Variants in GBF1 observed in about 807,000 individuals in gnomAD.
The protein encoded by GBF1 is Golgi-specific brefeldin A-resistance guanine nucleotide exchange factor 1.
A neutral mutation model predicts 210.5 loss-of-function variants in GBF1; 114 were observed. The observed-to-expected ratio is 0.54, with a 90% CI of 0.47 to 0.63. The LOEUF is 0.63. GBF1 is among the 30% of genes least tolerant of loss of function. The probability of loss-of-function intolerance (pLI) is 0.00; values close to 1 mark genes in which losing one functional copy is unlikely to be tolerated. For missense variants in GBF1, 1,851 were observed against 2,357.7 expected (o/e 0.79, Z 4.45); for synonymous variants, 850 against 889.2 (o/e 0.96, Z 0.78).
chr10:102,299,719 G>A (rs979527278), intron 3 of GBF1, among the ~76,000 whole-genome samples: 11 of 151,982 alleles, frequency 7.2e-5, no homozygotes, highest in Non-Finnish European at 1.6e-4. Flanking sequence ...GAGGTGGAGG[G>A]GTTGTGGTGA....
Position 102,367,088 on chromosome 10 carries a change from T to G in GBF1, c.2437T>G (p.Cys813Gly). The G allele has an allele frequency of 6.2e-7, 1 of 1,614,142 alleles. No individual in the cohort carries two copies. Among genetic ancestry groups the G allele is most frequent in the Non-Finnish European group, 8.5e-7 (1 of 1,180,008 alleles). Residue 813 changes from cysteine to glycine, a missense_variant, in exon 20 of 40, where the codon TGT becomes GGT. By Grantham distance (159) the Cys-to-Gly change is radical (BLOSUM62 -3). Coordinates refer to ENST00000369983, the MANE Select transcript of GBF1 (RefSeq NM_001377137.1). ...GGCGGGATCTTTGCTTTTTCAGAATTGTAATGGCTCCCCATTTGCCAATAG... is the reference window on the plus strand; with the variant it reads ...GGCGGGATCTTTGCTTTTTCAGAATGGTAATGGCTCCCCATTTGCCAATAG... ...LEAFTERWMN[C>G]NGSPFANSDA...
intron 3 of GBF1, among the ~76,000 whole-genome samples, chr10:102,318,774 G>T (rs1160365126): frequency 6.6e-6 from 1 of 151,800 alleles, no homozygotes; most frequent in Non-Finnish European, 1.5e-5. Flanking sequence ...TTTTTAAATA[G>T]GATTTTTACA....
intron 1 of GBF1, among the ~76,000 whole-genome samples, chr10:102,249,926 G>A (rs1470912280): frequency 2.0e-5 from 3 of 152,100 alleles, no homozygotes; most frequent in African/African-American, 4.8e-5. Flanking sequence ...TCTTGACTTC[G>A]TGATCCGCCC....
chr10:102,302,502 AAACTT>A lies in GBF1; in HGVS notation c.164-41548_164-41544del, dbSNP rs1433972708. On this transcript the variant is annotated intron_variant, in intron 3 of 39. Transcript: ENST00000369983. The stretch of plus-strand genomic sequence containing the variant: ...ACCTTCCAATGGAAGGAATTAAACT[AAACTT>A]TTCAAAATGGGGCTACTGGCCCTTA... 7.2e-5 allele frequency among the ~76,000 whole-genome samples: 11 copies of A among 152,376 alleles called. No individual in the cohort carries two copies. The East Asian group carries it at 1.3e-3, about 19-fold the overall frequency.
intron 3 of GBF1, among the ~76,000 whole-genome samples, chr10:102,276,991 C>T (rs1455153753): frequency 6.6e-6 from 1 of 151,284 alleles, no homozygotes; most frequent in East Asian, 1.9e-4. Context: ...CACACACACA[C>T]ATGCACACAC....
chr10:102,253,303 C>T (rs1343797116), intron 1 of GBF1, among the ~76,000 whole-genome samples: 12 of 152,102 alleles, frequency 7.9e-5, no homozygotes, highest in Non-Finnish European at 1.2e-4. Context: ...GTATGTATGC[C>T]CTTCCCTGTT....
At position 102,360,271 on chromosome 10, in the gene GBF1, A is replaced by T; in HGVS notation, c.1268A>T (p.Asn423Ile). Reference sequence around the variant, plus strand: ...CTCACCAATCCACACGACCGCCATAACTCAGAGGTTATGATTCACATGGGA... The same window carrying T: ...CTCACCAATCCACACGACCGCCATATCTCAGAGGTTATGATTCACATGGGA... ...ISLTNPHDRH[N>I]SEVMIHMGLH... Residue 423 changes from asparagine to isoleucine, a missense_variant, in exon 12 of 40, where the codon AAC becomes ATC. Physicochemically the swap from Asn to Ile is moderately radical, Grantham distance 149. Coordinates refer to ENST00000369983, the MANE Select transcript of GBF1 (RefSeq NM_001377137.1). 2 of 1,613,608 alleles carry T rather than the reference A, an allele frequency of 1.2e-6. No homozygotes were observed. The highest frequency in any genetic ancestry group is 1.7e-6 in the Non-Finnish European group (2 of 1,179,758).
At chr10:102,312,264 G>T (rs2078516423) in intron 3 of GBF1, among the ~76,000 whole-genome samples, 1 of 150,446 alleles carries the variant, frequency 6.6e-6, no homozygotes, top group Non-Finnish European at 1.5e-5. Context: ...TTGCACTCCA[G>T]CCTGGGCAAC....
chr10:102,351,416 C>A, intron 5 of GBF1, 42 bp downstream of exon 5: 1 of 1,055,752 alleles, frequency 9.5e-7, no homozygotes, highest in Non-Finnish European at 1.5e-6. Context: ...TGGCCAGGGG[C>A]TGGTGCCGCA....
At chr10:102,341,214 A>G (rs1018921371) in intron 3 of GBF1, among the ~76,000 whole-genome samples, 4 of 152,240 alleles carry the variant, frequency 2.6e-5, no homozygotes, top group African/African-American at 7.2e-5. Context: ...TGTTCAACAT[A>G]ATTAGTCATT....
intron 3 of GBF1, among the ~76,000 whole-genome samples, chr10:102,335,708 T>G (rs1298403567): frequency 6.6e-6 from 1 of 152,222 alleles, no homozygotes; most frequent in Non-Finnish European, 1.5e-5. Context: ...AGCCTCATTT[T>G]TATCTTCAAA....
At chr10:102,362,320 T>C (rs2059663563) in intron 14 of GBF1, among the ~76,000 whole-genome samples, 155 bp from the exon 15 acceptor site, 1 of 151,832 alleles carries the variant, frequency 6.6e-6, no homozygotes, top group South Asian at 2.1e-4. Flanking sequence ...CCTCCCAAAG[T>C]GCTGGGATTA....
At chr10:102,271,558 G>A (rs2074427355) in intron 3 of GBF1, among the ~76,000 whole-genome samples, 1 of 147,628 alleles carries the variant, frequency 6.8e-6, no homozygotes, top group South Asian at 2.1e-4. Flanking sequence ...GAGGACACCA[G>A]CCCATTTATG....
Position 102,316,084 on chromosome 10 carries a change from C to CTT in GBF1, c.164-27948_164-27947dup, listed in dbSNP as rs912378779. 6.5e-4 allele frequency among the ~76,000 whole-genome samples: 87 copies of CTT among 133,092 alleles called. 1 individual carries two copies. Among genetic ancestry groups the CTT allele is most frequent in the East Asian group, 1.7e-3 (8 of 4,774 alleles). 87.3% of individuals were successfully genotyped at this position (133,092 alleles called of 152,430 possible). A position where few individuals can be genotyped will look rare whatever the true frequency, so the allele number is the denominator to read the frequency against. On this transcript the variant is annotated intron_variant, in intron 3 of 39. Transcript: ENST00000369983. Reference sequence around the variant, plus strand: ...TACCTTTCTGTTTTCCTTCCCTCCACTTTTTTTTTTTTTTTTTTTTGAGAT... The same window carrying CTT: ...TACCTTTCTGTTTTCCTTCCCTCCACTTTTTTTTTTTTTTTTTTTTTTGAGAT...
chr10:102,239,610 C>T, the GBF1 span, among the ~76,000 whole-genome samples: 1 of 152,192 alleles, frequency 6.6e-6, no homozygotes, highest in East Asian at 1.9e-4. Context: ...ATGGGGAATA[C>T]GTATTGTATG....
intron 21 of GBF1, 111 bp from the exon 22 acceptor site, chr10:102,368,107 C>T: frequency 1.4e-6 from 1 of 737,114 alleles, no homozygotes; most frequent in East Asian, 2.4e-5. Context: ...AGCTGCAGTT[C>T]TGATGACCTC....
intron 1 of GBF1, among the ~76,000 whole-genome samples, chr10:102,253,679 A>G (rs1047095819): frequency 2.0e-5 from 3 of 151,896 alleles, no homozygotes; most frequent in Admixed American, 6.6e-5. Flanking sequence ...ATGCCCTACT[A>G]ATTTTTAAAT....
chr10:102,345,021 C>T (rs900031314), intron 4 of GBF1, among the ~76,000 whole-genome samples: 4 of 151,992 alleles, frequency 2.6e-5, no homozygotes, highest in East Asian at 1.9e-4. Flanking sequence ...CGGTGGCTCA[C>T]GCCTGTAAGC....
chr10:102,366,584 CTTTTTTT>C lies in GBF1; in HGVS notation c.2433+92_2433+98del, dbSNP rs397968996. 55 of 642,530 alleles carry C rather than the reference CTTTTTTT, an allele frequency of 8.6e-5. No individual in the cohort carries two copies. The highest frequency in any genetic ancestry group is 5.1e-4 in the Middle Eastern group (1 of 1,980). 39.8% of individuals were successfully genotyped at this position (642,530 alleles called of 1,614,324 possible). On this transcript the variant is annotated intron_variant, in intron 19 of 39. Transcript: ENST00000369983. This position sits in a 1 kb window ranked among gnomAD's most constrained non-coding sequence, Gnocchi z 4.0. ...GGGCTGAAGAATCCAGCTGCTGTCT[CTTTTTTT>C]TTTTTTTTTTTTTGAGACAGAGTCT...
Sources: gnomAD v4.1 joint callset for allele counts (sites outside exome capture counted in the v4.1 genomes callset) on GRCh38, gnomAD v4.1.1 for gene constraint, Gnocchi (gnomAD v3.1) non-coding constraint, MANE v1.5 for transcripts, NCBI Gene and HGNC (gene_info 2026-07-23, HGNC 2026-07-21) for gene names.